Variants in EMP2 observed in about 807,000 individuals in gnomAD.
EMP2 encodes the protein epithelial membrane protein 2.
In EMP2, 19 loss-of-function variants were observed where a neutral mutation model predicts 13.7. The ratio of observed to expected loss-of-function variants is 1.38; its 90% CI spans 0.97 to 2.03. The LOEUF is 2.03. Among genes scored for constraint, EMP2 ranks in the 30% most tolerant of loss-of-function variants. The pLI is 0.00. For missense variants in EMP2, 253 were observed against 220.7 expected (o/e 1.15, Z -0.93); for synonymous variants, 97 against 84.7 (o/e 1.15, Z -0.80).
At chr16:10,557,728 A>C (rs2050841696) in intron 1 of EMP2, among the ~76,000 whole-genome samples, 1 of 152,172 alleles carries the variant, frequency 6.6e-6, no homozygotes, top group Admixed American at 6.5e-5. Context: ...TCAAGGCCTG[A>C]ATACTCCCCA....
At chr16:10,568,336 A>G (rs1180788275) in intron 1 of EMP2, among the ~76,000 whole-genome samples, 1 of 152,216 alleles carries the variant, frequency 6.6e-6, no homozygotes, top group African/African-American at 2.4e-5. Flanking sequence ...CAAGTATAGC[A>G]TATACACCAA....
chr16:10,538,100 G>C, intron 3 of EMP2, 26 bp from the exon 4 acceptor site: 20 of 1,609,504 alleles, frequency 1.2e-5, no homozygotes, highest in Non-Finnish European at 1.5e-5. Flanking sequence ...AGGGGCGCAG[G>C]ACTGAGGACC....
chr16:10,538,506 G>C (rs1373070424), intron 3 of EMP2, among the ~76,000 whole-genome samples: 1 of 152,208 alleles, frequency 6.6e-6, no homozygotes, highest in Non-Finnish European at 1.5e-5. Context: ...TCATGGGACT[G>C]TGACCTTGTG....
chr16:10,542,109 G>A (rs2050704320), intron 3 of EMP2, among the ~76,000 whole-genome samples: 2 of 152,088 alleles, frequency 1.3e-5, no homozygotes, highest in Non-Finnish European at 2.9e-5. Flanking sequence ...AATATCCGAT[G>A]GACAACAAAT....
At chr16:10,550,272 A>G (rs1233195016) in intron 1 of EMP2, among the ~76,000 whole-genome samples, 2 of 152,152 alleles carry the variant, frequency 1.3e-5, no homozygotes. Flanking sequence ...TACAGTCCAT[A>G]GTCAAATTTC....
intron 1 of EMP2, among the ~76,000 whole-genome samples, chr16:10,570,411 T>G (rs546505356): frequency 6.6e-6 from 1 of 152,114 alleles, no homozygotes; most frequent in South Asian, 2.1e-4. Flanking sequence ...TTATTTTATT[T>G]TTTGAGACAG....
chr16:10,576,409 G>A (rs2044267132), intron 1 of EMP2: 1 of 152,094 alleles, frequency 6.6e-6, no homozygotes, highest in African/African-American at 2.4e-5. Context: ...AATCTTCAAA[G>A]TGCACGACTT....
intron 4 of EMP2, 66 bp downstream of exon 4, chr16:10,537,862 G>A: frequency 6.3e-7 from 1 of 1,584,570 alleles, no homozygotes; most frequent in Non-Finnish European, 8.6e-7. Context: ...CTTCCCTCCT[G>A]GCGGCTGGGA....
rs1333147657 is a variant in EMP2 at position 10,531,724 on chromosome 16, T to C, written c.*1181A>G. The C allele has an allele frequency of 6.5e-6, 1 of 152,922 alleles. No homozygotes were observed. The highest frequency in any genetic ancestry group is 1.5e-5 in the Non-Finnish European group (1 of 68,152). The allele number at this position is 152,922 out of a possible 1,614,324, so 9.5% of individuals were successfully genotyped here. A position where few individuals can be genotyped will look rare whatever the true frequency, so the allele number is the denominator to read the frequency against. On this transcript the variant is annotated 3_prime_UTR_variant, in exon 5 of 5. Transcript: ENST00000359543. ...GAGGGTATCCCCTGTGCCTGGCACA[T>C]GCATGCAAGTTATGATTTATGTTGA...
rs996491435 is a variant in EMP2, at chr16:10,530,512, C to T, written c.*2393G>A. 3 of 152,564 alleles carry T rather than the reference C, an allele frequency of 2.0e-5. No individual in the cohort carries two copies. Among genetic ancestry groups the T allele is most frequent in the Non-Finnish European group, 4.4e-5 (3 of 68,066 alleles). The allele number at this position is 152,564 out of a possible 1,614,324, so 9.5% of individuals were successfully genotyped here. On this transcript the variant is annotated 3_prime_UTR_variant, in exon 5 of 5. Transcript: ENST00000359543. ...GTCCCACACCCCATCCCAGGACAGC[C>T]CCCAGCATCCTGCTCCAACATAAGC...
At chr16:10,579,634 T>C (rs931614615) in intron 1 of EMP2, among the ~76,000 whole-genome samples, 5 of 151,916 alleles carry the variant, frequency 3.3e-5, no homozygotes, top group African/African-American at 1.2e-4. Context: ...AATCACACTG[T>C]ATTTGAACTG....
intron 1 of EMP2, among the ~76,000 whole-genome samples, chr16:10,554,482 C>G (rs1232723746): frequency 6.6e-6 from 1 of 152,134 alleles, no homozygotes; most frequent in African/African-American, 2.4e-5. Flanking sequence ...GGTGCTGTCT[C>G]CTTGCCACTA....
At chr16:10,547,080 GA>G (rs2050745513) in intron 2 of EMP2, 1 of 153,144 alleles carries the variant, frequency 6.5e-6, no homozygotes, top group Admixed American at 6.5e-5. Context: ...AATCGTGGTT[GA>G]ACCTTGGCAG....
At chr16:10,551,715 G>A (rs763723307) in intron 1 of EMP2, among the ~76,000 whole-genome samples, 1 of 152,084 alleles carries the variant, frequency 6.6e-6, no homozygotes, top group Non-Finnish European at 1.5e-5. Flanking sequence ...AGCAAAATAG[G>A]ATCATTTTAA....
intron 1 of EMP2, among the ~76,000 whole-genome samples, chr16:10,554,852 C>T (rs75617679): frequency 0.024 from 3,696 of 152,200 alleles, 75 homozygotes; most frequent in African/African-American, 0.058. Flanking sequence ...ATTCAAACAT[C>T]ATCTCCCCAG....
At chr16:10,536,915 T>A (rs1041577291) in intron 4 of EMP2, among the ~76,000 whole-genome samples, 13 of 152,104 alleles carry the variant, frequency 8.5e-5, no homozygotes, top group African/African-American at 3.1e-4. Context: ...ACTTTCAGTT[T>A]TAAACCAGAG....
At chr16:10,548,459 G>C (rs2050756591) in intron 1 of EMP2, among the ~76,000 whole-genome samples, 1 of 152,170 alleles carries the variant, frequency 6.6e-6, no homozygotes, top group Non-Finnish European at 1.5e-5. Context: ...GGGAGGCCAA[G>C]GCAAGAGGAT....
At chr16:10,559,954 C>T (rs1349495726) in intron 1 of EMP2, among the ~76,000 whole-genome samples, 1 of 152,168 alleles carries the variant, frequency 6.6e-6, no homozygotes, top group Admixed American at 6.5e-5. Context: ...GGATTACAGG[C>T]GTGAGCCACC....
chr16:10,570,906 G>A (rs959448749), intron 1 of EMP2, among the ~76,000 whole-genome samples: 5 of 150,346 alleles, frequency 3.3e-5, no homozygotes, highest in Non-Finnish European at 6.0e-5. Flanking sequence ...AGGCAATGTG[G>A]AAGAAGAAGA....
Sources: allele counts gnomAD v4.1 joint callset (sites outside exome capture counted in the v4.1 genomes callset), GRCh38; gene constraint gnomAD v4.1.1; transcripts MANE v1.5; gene names NCBI Gene and HGNC (gene_info 2026-07-23, HGNC 2026-07-21).